Variants in GRIP1 observed in about 807,000 individuals in gnomAD.
The protein encoded by GRIP1 is glutamate receptor interacting protein 1.
Under a neutral mutation model 129.9 loss-of-function variants are expected in GRIP1, and 45 were observed. The ratio of observed to expected loss-of-function variants is 0.35; its 90% confidence interval spans 0.27 to 0.44. GRIP1 has a LOEUF of 0.44. Among genes scored for constraint, GRIP1 ranks in the 20% least tolerant of loss-of-function variants. The pLI is 1.00. For missense variants in GRIP1, 1,196 were observed against 1,396.8 expected, an observed-to-expected ratio of 0.86 and a Z score of 2.29; for synonymous variants, 530 against 520.8, an observed-to-expected ratio of 1.02 and a Z score of -0.24.
chr12:66,614,006 C>T (rs755885392), intron 1 of GRIP1, among the ~76,000 whole-genome samples: 8 of 152,078 alleles, frequency 5.3e-5, no homozygotes, highest in Non-Finnish European at 1.2e-4. Context: ...AGGAATCTTC[C>T]ACTTGGCTTT....
chr12:66,539,062 G>C lies in GRIP1; in HGVS notation c.418+16C>G, dbSNP rs763912251. ...GGAATGTATCCCCTATGGATAAGGG[G>C]GGCTACTGTACTTACAGACCGGTGG... On this transcript the variant is annotated intron_variant, in intron 4 of 24. Coordinates refer to ENST00000359742, the MANE Select transcript of GRIP1 (RefSeq NM_001366722.1). 2 of 1,610,244 alleles carry C rather than the reference G, an allele frequency of 1.2e-6. No individual in the cohort carries two copies. The highest frequency in any genetic ancestry group is 1.1e-5 in the South Asian group (1 of 90,992).
chr12:66,844,327 T>C (rs2039775219), intron 1 of GRIP1, among the ~76,000 whole-genome samples: 1 of 152,124 alleles, frequency 6.6e-6, no homozygotes, highest in African/African-American at 2.4e-5. Context: ...AATAGCCAAT[T>C]AGCACACGAA....
chr12:66,850,496 C>T (rs1410848741), intron 1 of GRIP1, among the ~76,000 whole-genome samples: 1 of 152,000 alleles, frequency 6.6e-6, no homozygotes, highest in Non-Finnish European at 1.5e-5. Flanking sequence ...AAGAATGGAC[C>T]TCACATTTTC....
chr12:66,564,564 G>A lies in GRIP1; in HGVS notation c.137-22614C>T, dbSNP rs142729695. 1.7e-3 allele frequency among the ~76,000 whole-genome samples: 254 copies of A among 152,102 alleles called. 3 individuals carry two copies. The highest frequency in any genetic ancestry group is 0.015 in the East Asian group (79 of 5,180). On this transcript the variant is annotated intron_variant, in intron 2 of 24. Transcript: ENST00000359742. The stretch of plus-strand genomic sequence containing the variant: ...GGGTTGGTTCCAAGTCTTTGCTATC[G>A]TGAATAGTGCCACAATAAACATATG...
At chr12:66,727,767 T>C (rs955107608) in intron 1 of GRIP1, among the ~76,000 whole-genome samples, 6 of 152,214 alleles carry the variant, frequency 3.9e-5, no homozygotes, top group African/African-American at 1.4e-4. Flanking sequence ...TTAAGGATGG[T>C]AGACCTATGA....
intron 1 of GRIP1, among the ~76,000 whole-genome samples, chr12:66,697,294 T>C (rs780087340): frequency 6.6e-5 from 10 of 152,256 alleles, no homozygotes; most frequent in Non-Finnish European, 1.3e-4. Context: ...AAAATGACAA[T>C]GACCTTTCCC....
At chr12:66,676,797 T>C (rs1390723104) in intron 1 of GRIP1, among the ~76,000 whole-genome samples, 4 of 152,154 alleles carry the variant, frequency 2.6e-5, no homozygotes, top group Admixed American at 1.3e-4. Flanking sequence ...CATTTTAATA[T>C]TGTAATTACA....
At chr12:66,384,569 G>C (rs1387154030) in intron 19 of GRIP1, among the ~76,000 whole-genome samples, 2 of 152,190 alleles carry the variant, frequency 1.3e-5, no homozygotes, top group Non-Finnish European at 2.9e-5. Flanking sequence ...TATAACAATA[G>C]ATAACCATCA....
chr12:66,445,318 T>C lies in GRIP1; in HGVS notation c.1541+4A>G. On this transcript the variant is annotated splice_donor_region_variant and intron_variant, in intron 12 of 24. Transcript: ENST00000359742. Reference sequence around the variant, plus strand: ...AAATGATGCTGTGAAAGAAAGTGTCTCACCTCTCTGCTGGGCTGTCAGCTT... The same window carrying C: ...AAATGATGCTGTGAAAGAAAGTGTCCCACCTCTCTGCTGGGCTGTCAGCTT... 2 of 1,612,568 alleles carry C rather than the reference T, an allele frequency of 1.2e-6. No homozygotes were observed. Among genetic ancestry groups the C allele is most frequent in the South Asian group, 1.1e-5 (1 of 91,042 alleles).
At chr12:66,363,599 G>A (rs574411745) in intron 23 of GRIP1, among the ~76,000 whole-genome samples, 2 of 151,698 alleles carry the variant, frequency 1.3e-5, no homozygotes, top group South Asian at 4.2e-4. Flanking sequence ...ATCATTCCTT[G>A]CTAATGAGTT....
At chr12:66,856,284 G>C (rs926306854) in intron 1 of GRIP1, among the ~76,000 whole-genome samples, 1 of 152,036 alleles carries the variant, frequency 6.6e-6, no homozygotes, top group Non-Finnish European at 1.5e-5. Flanking sequence ...AGAAAACCTA[G>C]GCAATACCAT....
At position 66,456,286 on chromosome 12, in the gene GRIP1, T is replaced by A. The variant is rs1388949567; in HGVS notation, c.1099A>T (p.Ser367Cys). Residue 367 changes from serine (S) to cysteine (C), a missense_variant, in exon 10 of 25, where the codon AGC (serine) becomes TGC (cysteine). By Grantham distance (112) the Ser-to-Cys change is moderately radical. Transcript: ENST00000359742. ...LTWDSWASNH[S>C]SLHTNHHYNT... ...TAGTGATGGTTGGTGTGAAGGCTGC[T>A]GTGGTTGCTGGCCCAGGAATCCCAG... 1.6e-6 allele frequency: 2 copies of A among 1,289,510 alleles called. No individual in the cohort carries two copies. Among genetic ancestry groups the A allele is most frequent in the South Asian group, 2.5e-5 (2 of 81,006 alleles). 79.9% of individuals were successfully genotyped at this position (1,289,510 alleles called of 1,614,324 possible).
At chr12:67,067,935 C>G (rs1303808234) in intron 1 of GRIP1, among the ~76,000 whole-genome samples, 1 of 152,292 alleles carries the variant, frequency 6.6e-6, no homozygotes, top group East Asian at 1.9e-4. Flanking sequence ...GCCCATGGAG[C>G]CCCTGCATCC....
chr12:66,608,933 AATTATT>A (rs150512388), intron 1 of GRIP1, among the ~76,000 whole-genome samples: 2,065 of 145,534 alleles, frequency 0.014, 53 homozygotes, highest in African/African-American at 0.049. Context: ...ACATGAAACA[AATTATT>A]ATTATTATTA....
At chr12:66,642,107 A>G (rs991801595) in intron 1 of GRIP1, among the ~76,000 whole-genome samples, 1 of 152,154 alleles carries the variant, frequency 6.6e-6, no homozygotes, top group African/African-American at 2.4e-5. Context: ...ACAGGTTCTT[A>G]CAATATAGTG....
At chr12:66,579,309 A>G (rs2063276592) in intron 2 of GRIP1, among the ~76,000 whole-genome samples, 1 of 152,306 alleles carries the variant, frequency 6.6e-6, no homozygotes, top group Admixed American at 6.5e-5. Context: ...AAAGATGGGG[A>G]AAAAACAGAG....
intron 1 of GRIP1, among the ~76,000 whole-genome samples, chr12:66,715,831 T>C (rs897170405): frequency 5.9e-5 from 9 of 152,036 alleles, no homozygotes; most frequent in Admixed American, 4.6e-4. Context: ...TGGTGACTAT[T>C]TGAAACCATT....
intron 1 of GRIP1, among the ~76,000 whole-genome samples, chr12:66,732,542 CA>C: frequency 6.7e-6 from 1 of 150,178 alleles, no homozygotes; most frequent in East Asian, 1.9e-4. Flanking sequence ...GACACCGTCT[CA>C]AAACAAACAA....
intron 1 of GRIP1, among the ~76,000 whole-genome samples, chr12:66,665,479 C>T (rs1202714648): frequency 1.3e-5 from 2 of 152,148 alleles, no homozygotes; most frequent in African/African-American, 4.8e-5. Flanking sequence ...CTGAAGTTAA[C>T]CACCATCCTA....
Sources: gnomAD v4.1 joint callset for allele counts (sites outside exome capture counted in the v4.1 genomes callset) on GRCh38, gnomAD v4.1.1 for gene constraint, MANE v1.5 for transcripts, NCBI Gene and HGNC (gene_info 2026-07-23, HGNC 2026-07-21) for gene names.